The following REG3G variants were observed in gnomAD, a reference collection of about 807,000 sequenced individuals.
The protein encoded by REG3G is regenerating islet-derived protein 3-gamma.
In REG3G, 19 loss-of-function variants were observed where a neutral mutation model predicts 20.9. The observed-to-expected ratio is 0.91, with a 90% CI of 0.64 to 1.34. REG3G has a LOEUF of 1.34. Ranked by LOEUF, REG3G falls within the 40% of genes most tolerant of loss-of-function variation. The pLI is 0.00. For synonymous variants in REG3G, 89 were observed against 77.4 expected, an observed-to-expected ratio of 1.15 and a Z score of -0.79; for missense variants, 235 against 205.0, an observed-to-expected ratio of 1.15 and a Z score of -0.89.
chr2:79,026,669 C>A (rs2103964322), intron 2 of REG3G, 44 bp from the exon 3 acceptor site: 2 of 1,508,406 alleles, frequency 1.3e-6, no homozygotes, highest in Non-Finnish European at 1.8e-6. Flanking sequence ...CTCCCACCCA[C>A]CCCCTACTCT....
chr2:79,028,206 T>C lies in REG3G; in HGVS notation c.461-3T>C. On this transcript the variant is annotated splice_region_variant and splice_polypyrimidine_tract_variant and intron_variant, in intron 5 of 5. Coordinates refer to ENST00000272324, the MANE Select transcript of REG3G (RefSeq NM_001008387.3). The stretch of plus-strand genomic sequence containing the variant: ...CCATGCCTTTTATATTCTGTCTCCC[T>C]AGGATTTCTGAAGTGGAAAGATTAT... The C allele has an allele frequency of 1.9e-6, 3 of 1,607,472 alleles. No homozygotes were observed. The African/African-American group carries it at 4.0e-5, about 21-fold the overall frequency.
chr2:79,025,794 GA>G, intron 1 of REG3G, 21 bp downstream of exon 1: 1 of 333,068 alleles, frequency 3.0e-6, no homozygotes, highest in East Asian at 5.8e-5. Context: ...GCTGAGAGAA[GA>G]TGAGACCTGT....
rs753707323 is a variant in REG3G, at chr2:79,026,192, A to C, written c.76+23A>C. The C allele has an allele frequency of 1.2e-5, 19 of 1,611,760 alleles. 1 individual carries two copies. In the South Asian group the frequency reaches 2.1e-4, roughly 18 times the overall value. On this transcript the variant is annotated intron_variant, in intron 2 of 5. Transcript: ENST00000272324. ...AAGGTGAGATTTCTCTGCCTCTAGC[A>C]CTGGGTTCCCTATGAATCCTCAGAG...
chr2:79,026,956 C>G (rs1445164454), intron 3 of REG3G, 78 bp from the exon 4 acceptor site: 1 of 1,575,262 alleles, frequency 6.3e-7, no homozygotes, highest in African/African-American at 1.4e-5. Flanking sequence ...TTCACACAGT[C>G]CTCCTCCCAC....
At position 79,025,760 on chromosome 2, in the gene REG3G, A is replaced by G. The variant is rs1671599612; in HGVS notation, c.-125A>G. On this transcript the variant is annotated 5_prime_UTR_variant, in exon 1 of 6. Coordinates refer to ENST00000272324, the MANE Select transcript of REG3G (RefSeq NM_001008387.3). ...TTGCTGACCAGACAAAGCATACCAG[A>G]TCTCACCAGAGAGGTAAGTGGGAGC... The G allele has an allele frequency of 3.9e-6, 1 of 258,074 alleles. No homozygotes were observed. Among genetic ancestry groups the G allele is most frequent in the Non-Finnish European group, 7.5e-6 (1 of 132,824 alleles). 16.0% of individuals were successfully genotyped at this position (258,074 alleles called of 1,614,324 possible). A position where few individuals can be genotyped will look rare whatever the true frequency, so the allele number is the denominator to read the frequency against.
In REG3G at chr2:79,028,211, T is replaced by C; in HGVS notation, c.463T>C (p.Phe155Leu). Residue 155 changes from phenylalanine (F) to leucine (L), a missense_variant and splice_region_variant, in exon 6 of 6, where the codon TTT (phenylalanine) becomes CTT (leucine). Phe to Leu is a conservative substitution (Grantham distance 22). Coordinates refer to ENST00000272324, the MANE Select transcript of REG3G (RefSeq NM_001008387.3). ...CCTTTTATATTCTGTCTCCCTAGGA[T>C]TTCTGAAGTGGAAAGATTATAACTG... ...HCGSLSRSTG[F>L]LKWKDYNCDA... The C allele has an allele frequency of 1.2e-6, 2 of 1,609,948 alleles. No individual in the cohort carries two copies. Among genetic ancestry groups the C allele is most frequent in the Non-Finnish European group, 1.7e-6 (2 of 1,176,278 alleles).
intron 4 of REG3G, 88 bp downstream of exon 4, chr2:79,027,259 G>A (rs1398418145): frequency 9.3e-6 from 13 of 1,392,818 alleles, no homozygotes; most frequent in Non-Finnish European, 1.3e-5. Context: ...TGCCCAGGAA[G>A]TACTTTAGGG....
Position 79,026,065 on chromosome 2 carries a change from C to CT in REG3G, c.-29_-28insT, listed in dbSNP as rs1671609810. On this transcript the variant is annotated 5_prime_UTR_variant, in exon 2 of 6. Coordinates refer to ENST00000272324, the MANE Select transcript of REG3G (RefSeq NM_001008387.3). ...CCGCTGACCACACTTCCTTTAGTGACCCGATTGCCTCCTCAAGTCGCAGAC... is the reference window on the plus strand; with the variant it reads ...CCGCTGACCACACTTCCTTTAGTGACTCCGATTGCCTCCTCAAGTCGCAGAC... 1.9e-6 allele frequency: 3 copies of CT among 1,610,724 alleles called. No homozygotes were observed. The highest frequency in any genetic ancestry group is 8.5e-7 in the Non-Finnish European group (1 of 1,177,058).
chr2:79,028,059 T>C, intron 5 of REG3G, 126 bp downstream of exon 5: 1 of 1,321,702 alleles, frequency 7.6e-7, no homozygotes, highest in Non-Finnish European at 1.1e-6. Context: ...TCTCCTCTCA[T>C]CTCTGCCTTC....
chr2:79,028,024 TGC>T, intron 5 of REG3G, 91 bp downstream of exon 5: 3 of 1,542,088 alleles, frequency 1.9e-6, no homozygotes, highest in Non-Finnish European at 2.7e-6. Flanking sequence ...AGCTAGGTAA[TGC>T]AGTGTTTATG....
intron 4 of REG3G, 58 bp downstream of exon 4, chr2:79,027,229 C>T: frequency 6.4e-7 from 1 of 1,570,150 alleles, no homozygotes. Flanking sequence ...TGCCCAGGCG[C>T]ACTCCCTGTC....
chr2:79,028,040 C>T (rs1671670409), intron 5 of REG3G, 107 bp downstream of exon 5: 3 of 1,413,436 alleles, frequency 2.1e-6, no homozygotes, highest in Non-Finnish European at 3.0e-6. Context: ...GTTTATGTGC[C>T]TTCTCCCGTC....
At chr2:79,027,748 C>T in intron 4 of REG3G, 59 bp from the exon 5 acceptor site, 3 of 1,605,152 alleles carry the variant, frequency 1.9e-6, no homozygotes, top group East Asian at 2.2e-5. Flanking sequence ...GCTCAGGGGC[C>T]ATGCAAAGAG....
At chr2:79,027,492 A>G (rs1401934944) in intron 4 of REG3G, among the ~76,000 whole-genome samples, 2 of 152,348 alleles carry the variant, frequency 1.3e-5, no homozygotes, top group East Asian at 1.9e-4. Flanking sequence ...GATAGGATCA[A>G]ATTTTGCCCC....
chr2:79,025,746 A>G lies in REG3G; in HGVS notation c.-139A>G, dbSNP rs553765464. ...AAAAAACCCAGTCTTTGCTGACCAG[A>G]CAAAGCATACCAGATCTCACCAGAG... On this transcript the variant is annotated 5_prime_UTR_variant, in exon 1 of 6. Transcript: ENST00000272324. 3.6e-4 allele frequency: 79 copies of G among 217,130 alleles called. 1 individual carries two copies. The Middle Eastern group carries it at 6.9e-3, about 19-fold the overall frequency. The allele number at this position is 217,130 out of a possible 1,614,324, so 13.5% of individuals were successfully genotyped here. A position where few individuals can be genotyped will look rare whatever the true frequency, so the allele number is the denominator to read the frequency against.
Position 79,028,331 on chromosome 2 carries a change from G to A in REG3G, c.*55G>A. The A allele has an allele frequency of 8.3e-7, 1 of 1,206,266 alleles. No individual in the cohort carries two copies. Among genetic ancestry groups the A allele is most frequent in the Non-Finnish European group, 1.2e-6 (1 of 807,976 alleles). 74.7% of individuals were successfully genotyped at this position (1,206,266 alleles called of 1,614,324 possible). ...GGCGTGCAGCTCATCATGGACATGA[G>A]ACCAGTGTGAAGACTCACCCTGGAA... On this transcript the variant is annotated 3_prime_UTR_variant, in exon 6 of 6. Transcript: ENST00000272324.
rs546202232 is a variant in REG3G, at chr2:79,027,270, A to G, written c.333+99A>G. 7.0e-6 allele frequency: 9 copies of G among 1,278,742 alleles called. No individual in the cohort carries two copies. In the African/African-American group the frequency reaches 8.9e-5, roughly 13 times the overall value. 79.2% of individuals were successfully genotyped at this position (1,278,742 alleles called of 1,614,324 possible). A position where few individuals can be genotyped will look rare whatever the true frequency, so the allele number is the denominator to read the frequency against. On this transcript the variant is annotated intron_variant, in intron 4 of 5. Transcript: ENST00000272324. ...TCCCTGCCCAGGAAGTACTTTAGGG[A>G]GCACTGGAGCTCAGATTCTGGGGGA...
chr2:79,027,750 T>A (rs1199850255), intron 4 of REG3G, 57 bp from the exon 5 acceptor site: 28 of 1,608,138 alleles, frequency 1.7e-5, no homozygotes, highest in Non-Finnish European at 2.4e-5. Context: ...TCAGGGGCCA[T>A]GCAAAGAGAC....
rs758962348 is a variant in REG3G, at chr2:79,027,892, T to C, written c.419T>C (p.Ile140Thr). ...YFAWEKNPST[I>T]LNPGHCGSLS... ...GCATGGGAGAAAAATCCCTCCACCA[T>C]CTTAAACCCTGGCCACTGTGGGAGC... The change falls in exon 5 of 6, where the codon ATC becomes ACC. Residue 140 changes from isoleucine to threonine, a missense_variant. Transcript: ENST00000272324. The C allele has an allele frequency of 1.9e-6, 3 of 1,613,902 alleles. No homozygotes were observed. The African/African-American group carries it at 4.0e-5, about 22-fold the overall frequency.
Sources: gnomAD v4.1 joint callset for allele counts (sites outside exome capture counted in the v4.1 genomes callset) on GRCh38, gnomAD v4.1.1 for gene constraint, MANE v1.5 for transcripts, NCBI Gene and HGNC (gene_info 2026-07-23, HGNC 2026-07-21) for gene names.